WBP2NL: variants seen among roughly 807,000 people sequenced by gnomAD.
WBP2NL encodes postacrosomal sheath WW domain-binding protein.
Under a neutral mutation model 23.3 loss-of-function variants are expected in WBP2NL, and 27 were observed. The observed-to-expected ratio is 1.16, with a 90% CI of 0.85 to 1.60. WBP2NL has a LOEUF of 1.60. WBP2NL is among the 40% of genes most tolerant of loss of function. The probability of loss-of-function intolerance (pLI) is 0.00; values close to 1 mark genes in which losing one functional copy is unlikely to be tolerated. For missense variants in WBP2NL, 370 were observed against 389.5 expected, an observed-to-expected ratio of 0.95 and a Z score of 0.42; for synonymous variants, 151 against 145.9, an observed-to-expected ratio of 1.03 and a Z score of -0.25.
At chr22:42,023,636 C>G (rs1255119607) in intron 5 of WBP2NL, among the ~76,000 whole-genome samples, 2 of 152,044 alleles carry the variant, frequency 1.3e-5, no homozygotes, top group Non-Finnish European at 2.9e-5. Context: ...GGACTACCGG[C>G]GCCCGCCACC....
At chr22:42,048,814 A>T (rs1367749141) in intron 8 of WBP2NL, among the ~76,000 whole-genome samples, 1 of 151,896 alleles carries the variant, frequency 6.6e-6, no homozygotes, top group Non-Finnish European at 1.5e-5. Context: ...AATAGAGGGG[A>T]ATATCCTCAG....
At chr22:42,041,913 A>C (rs559040075) in intron 8 of WBP2NL, among the ~76,000 whole-genome samples, 1 of 152,184 alleles carries the variant, frequency 6.6e-6, no homozygotes, top group East Asian at 1.9e-4. Context: ...GGGAAAGACT[A>C]TCTCTCTTTC....
At chr22:42,023,395 A>G (rs1924153618) in intron 5 of WBP2NL, among the ~76,000 whole-genome samples, 1 of 151,826 alleles carries the variant, frequency 6.6e-6, no homozygotes, top group South Asian at 2.1e-4. Context: ...AAATCTCCCT[A>G]TGTTGTCCAG....
At chr22:42,031,648 C>A (rs1340162031), downstream of WBP2NL, 1 of 152,034 alleles carries the variant, frequency 6.6e-6, no homozygotes, top group African/African-American at 2.4e-5. Flanking sequence ...GGCTCAGCTA[C>A]CCTGAGATAT....
chr22:42,017,341 C>CTGA, intron 1 of WBP2NL, among the ~76,000 whole-genome samples: 1 of 152,106 alleles, frequency 6.6e-6, no homozygotes, highest in Non-Finnish European at 1.5e-5. Flanking sequence ...TCTCTAACTC[C>CTGA]CCAAATGATC....
At chr22:42,024,864 G>A (rs1183363268) in intron 5 of WBP2NL, among the ~76,000 whole-genome samples, 7 of 149,456 alleles carry the variant, frequency 4.7e-5, no homozygotes, top group African/African-American at 9.8e-5. Context: ...GTGCAGTGGC[G>A]CCATCTTGGC....
intron 1 of WBP2NL, among the ~76,000 whole-genome samples, chr22:42,014,721 C>A (rs928592839): frequency 1.3e-5 from 2 of 152,176 alleles, no homozygotes; most frequent in Admixed American, 6.5e-5. Context: ...ATTCTCTCTT[C>A]TGCCTGCCAA....
chr22:42,034,468 A>G (rs574397669), downstream of WBP2NL, among the ~76,000 whole-genome samples: 54 of 152,350 alleles, frequency 3.5e-4, no homozygotes, highest in African/African-American at 1.3e-3. Flanking sequence ...ACAGACATCA[A>G]GTACTTAACA....
rs879885889 is a variant in WBP2NL at position 42,040,228 on chromosome 22, C to CT, written c.*273+9418dup. ...ATTGAGATCTATCTTCTCTCTCTCTCTTTTTTTTTTTTTAGACAGAGTCTT... is the reference window on the plus strand; with the variant it reads ...ATTGAGATCTATCTTCTCTCTCTCTCTTTTTTTTTTTTTTAGACAGAGTCTT... On this transcript the variant is annotated intron_variant and NMD_transcript_variant, in intron 8 of 8. Coordinates refer to the WBP2NL transcript ENST00000436265. Among the ~76,000 whole-genome samples, 527 of 140,044 alleles carry CT rather than the reference C, an allele frequency of 3.8e-3. 2 individuals carry two copies. The highest frequency in any genetic ancestry group is 0.02 in the East Asian group (95 of 4,804). The allele number at this position is 140,044 out of a possible 152,430, so 91.9% of individuals were successfully genotyped here. A position where few individuals can be genotyped will look rare whatever the true frequency, so the allele number is the denominator to read the frequency against.
intron 1 of WBP2NL, among the ~76,000 whole-genome samples, chr22:42,014,679 G>T (rs951995797): frequency 6.6e-6 from 1 of 151,946 alleles, no homozygotes; most frequent in African/African-American, 2.4e-5. Flanking sequence ...GGTAGTAACC[G>T]TTATTCCCAT....
At chr22:42,031,213 A>C (rs1026925412), downstream of WBP2NL, 2 of 152,320 alleles carry the variant, frequency 1.3e-5, no homozygotes, top group African/African-American at 4.8e-5. Context: ...TGTCTGGTAC[A>C]GTTGTTTCCC....
At chr22:42,030,259 T>C (rs559374427), downstream of WBP2NL, among the ~76,000 whole-genome samples, 1 of 152,362 alleles carries the variant, frequency 6.6e-6, no homozygotes, top group African/African-American at 2.4e-5. Flanking sequence ...TCTGGAATTA[T>C]GGGATATTAG....
At chr22:42,038,965 G>A (rs1925293181) in intron 8 of WBP2NL, among the ~76,000 whole-genome samples, 1 of 151,630 alleles carries the variant, frequency 6.6e-6, no homozygotes, top group African/African-American at 2.4e-5. Flanking sequence ...CAGTGCAGTG[G>A]TATGATCATT....
intron 5 of WBP2NL, among the ~76,000 whole-genome samples, chr22:42,026,398 A>G (rs908590809): frequency 6.6e-6 from 1 of 151,928 alleles, no homozygotes; most frequent in African/African-American, 2.4e-5. Context: ...TAAGTGTTCA[A>G]TGGTAGAATT....
At chr22:42,002,373 A>G (rs1921789150) in intron 1 of WBP2NL, among the ~76,000 whole-genome samples, 1 of 152,206 alleles carries the variant, frequency 6.6e-6, no homozygotes, top group Non-Finnish European at 1.5e-5. Flanking sequence ...ACATGAGATC[A>G]GGAGTTCAAG....
intron 8 of WBP2NL, among the ~76,000 whole-genome samples, chr22:42,054,917 G>C (rs143756136): frequency 1.1e-4 from 16 of 152,176 alleles, no homozygotes; most frequent in African/African-American, 3.9e-4. Flanking sequence ...ATTAGCTATA[G>C]ATGTATGGGT....
intron 8 of WBP2NL, among the ~76,000 whole-genome samples, chr22:42,044,238 A>T (rs1410295420): frequency 6.6e-6 from 1 of 150,618 alleles, no homozygotes; most frequent in Non-Finnish European, 1.5e-5. Context: ...TTTTTTTTAA[A>T]TTTTTTTTTA....
At chr22:42,048,485 G>A (rs5758559) in intron 8 of WBP2NL, among the ~76,000 whole-genome samples, 95,019 of 151,788 alleles carry the variant, frequency 0.63, 30,310 homozygotes, top group East Asian at 0.85. Flanking sequence ...GGCCGGGCAC[G>A]GTGGTTCATG....
chr22:42,038,930 G>A (rs1925292404), intron 8 of WBP2NL, among the ~76,000 whole-genome samples: 1 of 151,100 alleles, frequency 6.6e-6, no homozygotes, highest in Admixed American at 6.6e-5. Flanking sequence ...TTTCGAGATA[G>A]GGTCTTACTC....
Sources: allele counts gnomAD v4.1 joint callset (sites outside exome capture counted in the v4.1 genomes callset), GRCh38; gene constraint gnomAD v4.1.1; transcripts MANE v1.5; gene names NCBI Gene and HGNC (gene_info 2026-07-23, HGNC 2026-07-21).